EGFLAM: variants seen among roughly 807,000 people sequenced by gnomAD.
EGFLAM encodes the protein pikachurin.
EGFLAM carries 79 observed loss-of-function variants against 113.1 expected under a neutral mutation model. The observed-to-expected ratio is 0.70, with a 90% CI of 0.58 to 0.84. The LOEUF is 0.84. Ranked by LOEUF, EGFLAM falls within the 40% of genes least tolerant of loss-of-function variation. The pLI, the probability that EGFLAM is intolerant of heterozygous loss-of-function variation, is 0.00. For synonymous variants in EGFLAM, 504 were observed against 487.6 expected, an observed-to-expected ratio of 1.03 and a Z score of -0.44; for missense variants, 1,265 against 1,291.6, an observed-to-expected ratio of 0.98 and a Z score of 0.32.
intron 5 of EGFLAM, among the ~76,000 whole-genome samples, chr5:38,365,063 G>A (rs6885588): frequency 0.018 from 2,787 of 152,252 alleles, 96 homozygotes; most frequent in African/African-American, 0.063. Flanking sequence ...GTATCCCCTA[G>A]AGGACAGTTG....
At chr5:38,414,142 A>T (rs942641789) in intron 11 of EGFLAM, among the ~76,000 whole-genome samples, 1 of 152,002 alleles carries the variant, frequency 6.6e-6, no homozygotes, top group Non-Finnish European at 1.5e-5. Context: ...CAAAATATAG[A>T]AGAAAATATC....
chr5:38,277,757 T>C (rs1579716457), intron 1 of EGFLAM, among the ~76,000 whole-genome samples: 1 of 131,990 alleles, frequency 7.6e-6, no homozygotes, highest in East Asian at 2.0e-4. Context: ...TCTAGCAAAC[T>C]GTCTGAAAAA....
chr5:38,439,200 C>G (rs1742454283), intron 17 of EGFLAM, among the ~76,000 whole-genome samples: 1 of 152,050 alleles, frequency 6.6e-6, no homozygotes, highest in Non-Finnish European at 1.5e-5. Context: ...ACTCAGTTTC[C>G]ATCTTACCCT....
intron 6 of EGFLAM, among the ~76,000 whole-genome samples, chr5:38,402,469 A>G (rs946778288): frequency 1.1e-4 from 17 of 152,308 alleles, no homozygotes; most frequent in Non-Finnish European, 1.2e-4. Flanking sequence ...CACACTAAGA[A>G]TGATCAACAT....
chr5:38,325,879 C>T (rs887532458), intron 1 of EGFLAM, among the ~76,000 whole-genome samples: 1 of 151,750 alleles, frequency 6.6e-6, no homozygotes, highest in African/African-American at 2.4e-5. Context: ...TTTTATTTAC[C>T]TTTATTTTCT....
At chr5:38,279,841 A>T (rs1757971803) in intron 1 of EGFLAM, among the ~76,000 whole-genome samples, 1 of 152,202 alleles carries the variant, frequency 6.6e-6, no homozygotes, top group Non-Finnish European at 1.5e-5. Context: ...ATATTGTATT[A>T]TTGAAAAATG....
At chr5:38,314,638 T>C (rs1738544454) in intron 1 of EGFLAM, among the ~76,000 whole-genome samples, 1 of 152,206 alleles carries the variant, frequency 6.6e-6, no homozygotes, top group Admixed American at 6.5e-5. Context: ...ATTTTTCCTC[T>C]CTGACTTAGA....
chr5:38,370,500 G>A (rs1027669325), intron 6 of EGFLAM, 38 bp downstream of exon 6: 1 of 1,593,538 alleles, frequency 6.3e-7, no homozygotes, highest in Admixed American at 1.7e-5. Context: ...CAAGGGAGCT[G>A]CATATCTGGG....
intron 6 of EGFLAM, among the ~76,000 whole-genome samples, chr5:38,388,358 A>T (rs1450837532): frequency 1.1e-4 from 16 of 152,076 alleles, no homozygotes; most frequent in Admixed American, 1.0e-3. Flanking sequence ...GGTGGCTCAC[A>T]CCTGCAATCC....
At position 38,338,732 on chromosome 5, in the gene EGFLAM, T is replaced by C. The variant is rs1739257579; in HGVS notation, c.242T>C (p.Leu81Pro). 1 of 1,614,142 alleles carries C rather than the reference T, an allele frequency of 6.2e-7. No individual in the cohort carries two copies. ...TCTGAGGTTGGCGCAGATAAATCCC[T>C]GCAGGAGCAGTTGCACAGCGTGCCT... Reference protein sequence around the residue: ...FYSEVGADKSLQEQLHSVPLS... With the variant: ...FYSEVGADKSPQEQLHSVPLS... Residue 81 changes from leucine to proline, a missense_variant, in exon 3 of 22, where the codon CTG becomes CCG. Transcript: ENST00000322350.
intron 1 of EGFLAM, among the ~76,000 whole-genome samples, chr5:38,281,818 T>C (rs1257170409): frequency 6.6e-6 from 1 of 152,250 alleles, no homozygotes; most frequent in African/African-American, 2.4e-5. Flanking sequence ...AAATTGACTG[T>C]GCTTGATACA....
Position 38,406,149 on chromosome 5 carries a change from C to A in EGFLAM, c.736C>A (p.Arg246Ser), listed in dbSNP as rs113400125. ...TLCPEEAGSGRYGPRYITDMG... is the reference protein window; with the variant it reads ...TLCPEEAGSGSYGPRYITDMG... ...AGGCCCTGAGGAGGCGGGAAGTGGCCGCTATGGACCCCGTTATATCACCGA... is the reference window on the plus strand; with the variant it reads ...AGGCCCTGAGGAGGCGGGAAGTGGCAGCTATGGACCCCGTTATATCACCGA... Residue 246 changes from arginine (R) to serine (S), a missense_variant, in exon 7 of 22, where the codon CGC becomes AGC. By Grantham distance (110) the Arg-to-Ser change is moderately radical. Coordinates refer to ENST00000322350, the MANE Select transcript of EGFLAM (RefSeq NM_152403.4). 26 of 1,613,996 alleles carry A rather than the reference C, an allele frequency of 1.6e-5. No individual in the cohort carries two copies. The highest frequency in any genetic ancestry group is 2.2e-5 in the Non-Finnish European group (26 of 1,179,980).
chr5:38,447,554 G>A (rs192278402), intron 17 of EGFLAM, among the ~76,000 whole-genome samples: 3 of 152,110 alleles, frequency 2.0e-5, no homozygotes, highest in Non-Finnish European at 4.4e-5. Flanking sequence ...TCAGGAGTTC[G>A]AGACCAGCCT....
intron 13 of EGFLAM, among the ~76,000 whole-genome samples, chr5:38,426,351 C>G (rs1199611235): frequency 6.6e-6 from 1 of 152,038 alleles, no homozygotes; most frequent in East Asian, 1.9e-4. Flanking sequence ...TTTGGAAAAT[C>G]ATGGAGGGTT....
intron 1 of EGFLAM, among the ~76,000 whole-genome samples, chr5:38,315,451 A>G (rs1738566928): frequency 6.6e-6 from 1 of 152,216 alleles, no homozygotes; most frequent in Non-Finnish European, 1.5e-5. Context: ...TCATCGCACA[A>G]TATATAAGTG....
At chr5:38,463,736 C>A in intron 21 of EGFLAM, 96 bp from the exon 22 acceptor site, 2 of 1,487,784 alleles carry the variant, frequency 1.3e-6, no homozygotes, top group Non-Finnish European at 1.8e-6. Context: ...GATGCCTTGG[C>A]CAGCAGCCAT....
chr5:38,432,632 A>C (rs1399456327), intron 15 of EGFLAM, among the ~76,000 whole-genome samples: 1 of 152,232 alleles, frequency 6.6e-6, no homozygotes, highest in African/African-American at 2.4e-5. Context: ...GCTCACGAGA[A>C]TACACCTCGC....
chr5:38,330,519 A>C (rs1739013431), intron 1 of EGFLAM, among the ~76,000 whole-genome samples: 1 of 151,684 alleles, frequency 6.6e-6, no homozygotes, highest in South Asian at 2.1e-4. Context: ...GCCATTGGAG[A>C]CTCCTGAATT....
chr5:38,399,514 G>A (rs1027896014), intron 6 of EGFLAM, among the ~76,000 whole-genome samples: 8 of 152,186 alleles, frequency 5.3e-5, no homozygotes, highest in Admixed American at 2.0e-4. Flanking sequence ...CTGAGCTCAA[G>A]CGATCCACCC....
Sources: allele counts gnomAD v4.1 joint callset (sites outside exome capture counted in the v4.1 genomes callset), GRCh38; gene constraint gnomAD v4.1.1; transcripts MANE v1.5; gene names NCBI Gene and HGNC (gene_info 2026-07-23, HGNC 2026-07-21).